The following CEP83 variants were observed in gnomAD, a reference collection of about 807,000 sequenced individuals.
CEP83 encodes the protein centrosomal protein of 83 kDa.
In CEP83, 70 loss-of-function variants were observed where a neutral mutation model predicts 101.9. The ratio of observed to expected loss-of-function variants is 0.69; its 90% CI spans 0.57 to 0.84. CEP83 has a LOEUF of 0.84. Among genes scored for constraint, CEP83 ranks in the 40% least tolerant of loss-of-function variants. The pLI is 0.00. For synonymous variants in CEP83, 264 were observed against 267.9 expected, an observed-to-expected ratio of 0.99 and a Z score of 0.14; for missense variants, 715 against 787.2, an observed-to-expected ratio of 0.91 and a Z score of 1.10.
At chr12:94,457,659 G>A (rs888144574) in intron 1 of CEP83, among the ~76,000 whole-genome samples, 1 of 152,154 alleles carries the variant, frequency 6.6e-6, no homozygotes, top group Non-Finnish European at 1.5e-5. Context: ...CAATACATAA[G>A]GGTATCTGAC....
chr12:94,267,964 A>G, the CEP83 span, among the ~76,000 whole-genome samples: 2 of 152,136 alleles, frequency 1.3e-5, no homozygotes, highest in Admixed American at 1.3e-4. Flanking sequence ...AGGTGCGGTG[A>G]ACAAACTGAT....
intron 8 of CEP83, among the ~76,000 whole-genome samples, chr12:94,372,002 C>T (rs2061330688): frequency 2.0e-5 from 3 of 152,132 alleles, no homozygotes; most frequent in African/African-American, 7.2e-5. Flanking sequence ...GAGACAGAGT[C>T]TCGCTCTGTC....
the CEP83 span, among the ~76,000 whole-genome samples, chr12:94,275,142 C>T: frequency 6.6e-6 from 1 of 152,186 alleles, no homozygotes; most frequent in Non-Finnish European, 1.5e-5. Flanking sequence ...CCCCCACTGT[C>T]CTCCCTACTC....
chr12:94,426,215 C>T (rs138018092), intron 2 of CEP83, among the ~76,000 whole-genome samples: 4 of 152,164 alleles, frequency 2.6e-5, no homozygotes, highest in Admixed American at 1.3e-4. Flanking sequence ...TGTTTTCTAC[C>T]GCCATGGCTT....
chr12:94,402,528 A>G lies in CEP83; in HGVS notation c.417+642T>C, dbSNP rs147218611. Among the ~76,000 whole-genome samples, 348 of 152,272 alleles carry G rather than the reference A, an allele frequency of 2.3e-3. 3 individuals are homozygous for G. The highest frequency in any genetic ancestry group is 3.6e-3 in the Non-Finnish European group (243 of 68,018). ...GCAGTCAAAGTAGGCCCCATTGAGA[A>G]AGTGACATTTTAGCAGACTTACAAG... On this transcript the variant is annotated intron_variant, in intron 5 of 16. Coordinates refer to ENST00000397809, the MANE Select transcript of CEP83 (RefSeq NM_016122.3).
intron 8 of CEP83, 35 bp from the exon 9 acceptor site, chr12:94,370,071 C>T (rs548577229): frequency 3.2e-6 from 4 of 1,235,664 alleles, no homozygotes; most frequent in African/African-American, 1.5e-5. Flanking sequence ...TACTATTGGT[C>T]ATTTTCTTGC....
chr12:94,266,544 C>T, the CEP83 span, among the ~76,000 whole-genome samples: 1 of 152,220 alleles, frequency 6.6e-6, no homozygotes, highest in African/African-American at 2.4e-5. Flanking sequence ...TGAGAATTCA[C>T]TTCCCTAACC....
At chr12:94,280,609 C>T in the CEP83 span, among the ~76,000 whole-genome samples, 2 of 152,238 alleles carry the variant, frequency 1.3e-5, no homozygotes, top group South Asian at 2.1e-4. Context: ...CTTGGGTGAC[C>T]GTTGAGTCAC....
chr12:94,391,930 G>C (rs894909645), intron 6 of CEP83, among the ~76,000 whole-genome samples: 4 of 152,154 alleles, frequency 2.6e-5, no homozygotes, highest in Non-Finnish European at 5.9e-5. Flanking sequence ...AATTCAACAA[G>C]AAGACCTAAC....
intron 11 of CEP83, among the ~76,000 whole-genome samples, chr12:94,338,510 C>T (rs2059544805): frequency 6.6e-6 from 1 of 152,070 alleles, no homozygotes; most frequent in African/African-American, 2.4e-5. Flanking sequence ...GTAATTTCTA[C>T]TTAAAAGGCA....
intron 1 of CEP83, among the ~76,000 whole-genome samples, chr12:94,456,264 TACTC>T: frequency 6.6e-6 from 1 of 152,302 alleles, no homozygotes; most frequent in South Asian, 2.1e-4. Flanking sequence ...AATTCTCAAA[TACTC>T]ACTTTCTAGG....
In CEP83 at chr12:94,449,154, T is replaced by C. The variant is rs569457798; in HGVS notation, c.-155+10403A>G. 1.3e-4 allele frequency among the ~76,000 whole-genome samples: 20 copies of C among 152,096 alleles called. No homozygotes were observed. The South Asian group carries it at 4.1e-3, about 32-fold the overall frequency. On this transcript the variant is annotated intron_variant, in intron 1 of 16. Coordinates refer to ENST00000397809, the MANE Select transcript of CEP83 (RefSeq NM_016122.3). The stretch of plus-strand genomic sequence containing the variant: ...AGGATTTCTTAATACAAACTTCGTA[T>C]CAACAAATTAGATAATTTATATGAA...
intron 4 of CEP83, among the ~76,000 whole-genome samples, chr12:94,409,556 G>C (rs778731211): frequency 1.3e-5 from 2 of 152,224 alleles, no homozygotes; most frequent in Admixed American, 6.5e-5. Flanking sequence ...AAAATGAAGA[G>C]AGTCCTGTCT....
intron 2 of CEP83, among the ~76,000 whole-genome samples, chr12:94,433,103 C>T (rs1225910035): frequency 6.6e-6 from 1 of 152,054 alleles, no homozygotes; most frequent in Non-Finnish European, 1.5e-5. Context: ...GAGGAGAACA[C>T]CCTGGGGAGG....
intron 6 of CEP83, 125 bp from the exon 7 acceptor site, chr12:94,379,167 C>A (rs948331051): frequency 7.5e-6 from 6 of 804,280 alleles, no homozygotes; most frequent in Non-Finnish European, 1.1e-5. Context: ...AAACAAAGTA[C>A]AAAGGAAAAA....
the CEP83 span, among the ~76,000 whole-genome samples, chr12:94,276,046 C>T: frequency 6.6e-6 from 1 of 152,182 alleles, no homozygotes; most frequent in Non-Finnish European, 1.5e-5. Flanking sequence ...CATTATTTTA[C>T]ATCCAGTTAA....
chr12:94,340,493 G>A (rs1243380964), intron 11 of CEP83, among the ~76,000 whole-genome samples: 2 of 151,140 alleles, frequency 1.3e-5, no homozygotes, highest in African/African-American at 2.4e-5. Flanking sequence ...CTGGAGTGCA[G>A]TGGCACAATC....
At chr12:94,303,998 G>A (rs1192231774), downstream of CEP83, 1 of 1,600,284 alleles carries the variant, frequency 6.2e-7, no homozygotes, top group East Asian at 2.2e-5. Context: ...TGAATTTAAT[G>A]AAGAAGTGGC....
chr12:94,295,204 A>G, the CEP83 span, among the ~76,000 whole-genome samples: 1 of 152,214 alleles, frequency 6.6e-6, no homozygotes, highest in African/African-American at 2.4e-5. Context: ...ACACACAGCC[A>G]GAGGTAGGGC....
Sources: allele counts gnomAD v4.1 joint callset (sites outside exome capture counted in the v4.1 genomes callset), GRCh38; gene constraint gnomAD v4.1.1; transcripts MANE v1.5; gene names NCBI Gene and HGNC (gene_info 2026-07-23, HGNC 2026-07-21).